KIF17: variants seen among roughly 807,000 people sequenced by gnomAD.
The protein encoded by KIF17 is kinesin family member 17, also known as kinesin-like protein KIF17.
KIF17 carries 80 observed loss-of-function variants against 96.8 expected under a neutral mutation model. The ratio of observed to expected loss-of-function variants is 0.83; its 90% CI spans 0.69 to 1.00. The LOEUF is 1.00. KIF17 is among the 50% of genes least tolerant of loss of function. The pLI, the probability that KIF17 is intolerant of heterozygous loss-of-function variation, is 0.00. For missense variants in KIF17, 1,280 were observed against 1,372.9 expected, an observed-to-expected ratio of 0.93 and a Z score of 1.07; for synonymous variants, 567 against 587.5, an observed-to-expected ratio of 0.97 and a Z score of 0.51.
Position 20,704,901 on chromosome 1 carries a change from T to G in KIF17, c.671-2A>C. 1 of 1,599,596 alleles carries G rather than the reference T, an allele frequency of 6.3e-7. No individual in the cohort carries two copies. The highest frequency in any genetic ancestry group is 8.5e-7 in the Non-Finnish European group (1 of 1,179,706). ...GGAGGTGGTCCTTGCCCCGCTCATC[T>G]GCACACAGACCAGGCAAAGTGGCGA... On this transcript the variant is annotated splice_acceptor_variant, in intron 4 of 14. Transcript: ENST00000400463. LOFTEE classifies it high-confidence loss of function. This position sits in a 1 kb window ranked among gnomAD's most constrained non-coding sequence, Gnocchi z 6.8.
chr1:20,667,345 T>G (rs1356930131), intron 13 of KIF17, among the ~76,000 whole-genome samples: 2 of 152,196 alleles, frequency 1.3e-5, no homozygotes, highest in East Asian at 3.9e-4. Flanking sequence ...GATCTGTCAC[T>G]GTCTCCCATT....
Position 20,707,781 on chromosome 1 carries a change from A to ATGTG in KIF17, c.670+1854_670+1857dup, listed in dbSNP as rs1436276510. ...CTGTCTCAAAAAAAAAAACAAACCA[A>ATGTG]TGTGTATGTGTGTGTGTGTGTGTGT... On this transcript the variant is annotated intron_variant, in intron 4 of 14. Coordinates refer to ENST00000400463, the MANE Select transcript of KIF17 (RefSeq NM_001122819.3). Among the ~76,000 whole-genome samples, 140 of 90,928 alleles carry ATGTG rather than the reference A, an allele frequency of 1.5e-3. 1 individual carries two copies. Among genetic ancestry groups the ATGTG allele is most frequent in the African/African-American group, 6.4e-3 (127 of 19,952 alleles). The allele number at this position is 90,928 out of a possible 152,430, so 59.7% of individuals were successfully genotyped here.
At chr1:20,711,667 T>C (rs1196037125) in intron 3 of KIF17, among the ~76,000 whole-genome samples, 1 of 152,092 alleles carries the variant, frequency 6.6e-6, no homozygotes, top group Non-Finnish European at 1.5e-5. Context: ...TCTGTGATGG[T>C]AGTTTACAGT....
chr1:20,680,139 C>T (rs987253182), intron 11 of KIF17, among the ~76,000 whole-genome samples: 3 of 152,078 alleles, frequency 2.0e-5, no homozygotes. Context: ...CATAAGCCAC[C>T]GTGCTTGGCC....
In KIF17 at chr1:20,685,342, C is replaced by T. The variant is rs977225488; in HGVS notation, c.2020-322G>A. 10 of 499,716 alleles carry T rather than the reference C, an allele frequency of 2.0e-5. No homozygotes were observed. Among genetic ancestry groups the T allele is most frequent in the East Asian group, 4.5e-5 (1 of 22,458 alleles). 31.0% of individuals were successfully genotyped at this position (499,716 alleles called of 1,614,324 possible). On this transcript the variant is annotated intron_variant, in intron 9 of 14. Coordinates refer to ENST00000400463, the MANE Select transcript of KIF17 (RefSeq NM_001122819.3). This position sits in a 1 kb window ranked among gnomAD's most constrained non-coding sequence, Gnocchi z 4.1. ...TCCCGATGAGCCCCATGTGACTTCC[C>T]GTCACGTTCGCAGGAAAGTCCACTT...
chr1:20,715,633 T>C lies in KIF17; in HGVS notation c.238A>G (p.Thr80Ala), dbSNP rs944238547. The change falls in exon 2 of 15, where the codon ACT becomes GCT. Residue 80 changes from threonine to alanine, a missense_variant. Transcript: ENST00000400463. ...AAGATGGTGCCATTGTAGCCCTCAGTGACGCCCTGCATGGGAGGAAGGCAG... is the reference window on the plus strand; with the variant it reads ...AAGATGGTGCCATTGTAGCCCTCAGCGACGCCCTGCATGGGAGGAAGGCAG... Reference protein sequence around the residue: ...EIAYPLVEGVTEGYNGTIFAY... With the variant: ...EIAYPLVEGVAEGYNGTIFAY... 7 of 1,613,188 alleles carry C rather than the reference T, an allele frequency of 4.3e-6. No homozygotes were observed. The highest frequency in any genetic ancestry group is 4.5e-5 in the East Asian group (2 of 44,876).
At chr1:20,669,172 G>C (rs1028621792) in intron 13 of KIF17, among the ~76,000 whole-genome samples, 3 of 152,138 alleles carry the variant, frequency 2.0e-5, no homozygotes, top group African/African-American at 7.2e-5. Flanking sequence ...GTGCCCTTCT[G>C]TCTGGGCCTC....
At position 20,687,733 on chromosome 1, in the gene KIF17, T is replaced by C. The variant is rs768767723; in HGVS notation, c.1593A>G (p.Lys531=). ...FAELPKVEPS[K]SEISLGSSES... ...CACTGGAGCCCAGAGAAATCTCAGA[T>C]TTGGAGGGTTCCACCTTGGGCAGCT... is the stretch of plus-strand genomic sequence containing the variant. Residue 531 remains lysine, a synonymous_variant, in exon 8 of 15, where the codon AAA becomes AAG. Coordinates refer to ENST00000400463, the MANE Select transcript of KIF17 (RefSeq NM_001122819.3). The surrounding 1 kb of genome is among the most constrained non-coding windows in gnomAD (Gnocchi z 4.4). 2 of 1,614,150 alleles carry C rather than the reference T, an allele frequency of 1.2e-6. No individual in the cohort carries two copies. The highest frequency in any genetic ancestry group is 2.2e-5 in the East Asian group (1 of 44,872).
rs1197128162 is a variant in KIF17, at chr1:20,712,678, T to TC, written c.480+775_480+776insG. ...TTATCTATATATAATATAGATAATA[T>TC]TATCTATATATAATATAGATAATAT... On this transcript the variant is annotated intron_variant, in intron 3 of 14. Coordinates refer to ENST00000400463, the MANE Select transcript of KIF17 (RefSeq NM_001122819.3). 1.4e-3 allele frequency among the ~76,000 whole-genome samples: 67 copies of TC among 46,772 alleles called. 3 individuals carry two copies. Among genetic ancestry groups the TC allele is most frequent in the African/African-American group, 6.1e-3 (64 of 10,452 alleles). 30.7% of individuals were successfully genotyped at this position (46,772 alleles called of 152,430 possible). A position where few individuals can be genotyped will look rare whatever the true frequency, so the allele number is the denominator to read the frequency against.
downstream of KIF17, among the ~76,000 whole-genome samples, chr1:20,663,029 A>C (rs2154534572): frequency 6.6e-6 from 1 of 152,102 alleles, no homozygotes; most frequent in South Asian, 2.1e-4. Context: ...GGAGTTCGTG[A>C]CCAGCCTGGC....
chr1:20,675,560 T>G (rs2053724549), intron 11 of KIF17, among the ~76,000 whole-genome samples: 1 of 152,250 alleles, frequency 6.6e-6, no homozygotes, highest in Non-Finnish European at 1.5e-5. Context: ...CACACAGTCT[T>G]GATTACGGTA....
At chr1:20,679,061 C>T (rs1029373207) in intron 11 of KIF17, among the ~76,000 whole-genome samples, 5 of 151,502 alleles carry the variant, frequency 3.3e-5, no homozygotes, top group African/African-American at 1.2e-4. Context: ...CCTGTAATCC[C>T]GGCACTTTGG....
Position 20,686,035 on chromosome 1 carries a change from G to A in KIF17, c.2019+11C>T. Reference sequence around the variant, plus strand: ...CCCGTCCCCCACATGGAGGCCCGGGGAGGTACTCACAGGCCTGGGCGGGAA... The same window carrying A: ...CCCGTCCCCCACATGGAGGCCCGGGAAGGTACTCACAGGCCTGGGCGGGAA... On this transcript the variant is annotated intron_variant, in intron 9 of 14. Transcript: ENST00000400463. 6.4e-7 allele frequency: 1 copy of A among 1,550,964 alleles called. No individual in the cohort carries two copies. Among genetic ancestry groups the A allele is most frequent in the Non-Finnish European group, 8.7e-7 (1 of 1,145,736 alleles).
rs188192100 is a variant in KIF17 at position 20,679,219 on chromosome 1, C to T, written c.2463+3434G>A. 1.3e-3 allele frequency among the ~76,000 whole-genome samples: 195 copies of T among 152,132 alleles called. 1 individual carries two copies. The highest frequency in any genetic ancestry group is 1.9e-4 in the Non-Finnish European group (13 of 67,992). ...ACCTGGGAGGCTGAGGCAAGAGAAT[C>T]GTTTGAGCCTGGGACAGCCAGCGTA... On this transcript the variant is annotated intron_variant, in intron 11 of 14. Transcript: ENST00000400463.
intron 6 of KIF17, among the ~76,000 whole-genome samples, chr1:20,695,736 T>G (rs2054126579): frequency 6.6e-6 from 1 of 152,110 alleles, no homozygotes. Flanking sequence ...ACCTTGTGCT[T>G]GCAATCCGCC....
rs746255340 is a variant in KIF17 at position 20,704,679 on chromosome 1, C to T, written c.891G>A (p.Gln297=). Residue 297 remains glutamine, a synonymous_variant, in exon 5 of 15, where the codon CAG becomes CAA. Transcript: ENST00000400463. The surrounding 1 kb of genome is among the most constrained non-coding windows in gnomAD (Gnocchi z 6.8). ...YRDSKLTRLL[Q]DSLGGNTKTL... is the part of the protein sequence containing the mutation. ...TCTTGGTGTTGCCGCCCAGTGAGTC[C>T]TGCAGCAGCCGCGTCAGCTTCGAGT... The T allele has an allele frequency of 1.2e-6, 2 of 1,614,050 alleles. No individual in the cohort carries two copies. Among genetic ancestry groups the T allele is most frequent in the East Asian group, 4.5e-5 (2 of 44,896 alleles).
intron 1 of KIF17, among the ~76,000 whole-genome samples, chr1:20,717,153 A>AC (rs1242676057): frequency 6.6e-6 from 1 of 152,116 alleles, no homozygotes; most frequent in Non-Finnish European, 1.5e-5. Flanking sequence ...ACATGGTGAA[A>AC]CCCCATCTGT....
chr1:20,684,441 C>T lies in KIF17; in HGVS notation c.2231+368G>A, dbSNP rs144596810. Reference sequence around the variant, plus strand: ...GCAAGTGAGGAAAGCCCAGCTCCCCCGGCGGTCCCAGAGAGTGCCTGGGGA... The same window carrying T: ...GCAAGTGAGGAAAGCCCAGCTCCCCTGGCGGTCCCAGAGAGTGCCTGGGGA... On this transcript the variant is annotated intron_variant, in intron 10 of 14. Coordinates refer to ENST00000400463, the MANE Select transcript of KIF17 (RefSeq NM_001122819.3). Among the ~76,000 whole-genome samples, 138 of 152,350 alleles carry T rather than the reference C, an allele frequency of 9.1e-4. 1 individual carries two copies. Among genetic ancestry groups the T allele is most frequent in the African/African-American group, 3.2e-3 (135 of 41,584 alleles).
chr1:20,684,268 G>A (rs754323074), intron 10 of KIF17, among the ~76,000 whole-genome samples: 24 of 152,354 alleles, frequency 1.6e-4, no homozygotes, highest in Middle Eastern at 3.4e-3. Context: ...CTCAGGGGTC[G>A]CTCAGTGTTT....
Sources: allele counts gnomAD v4.1 joint callset (sites outside exome capture counted in the v4.1 genomes callset), GRCh38; gene constraint gnomAD v4.1.1; non-coding constraint Gnocchi (gnomAD v3.1); transcripts MANE v1.5; gene names NCBI Gene and HGNC (gene_info 2026-07-23, HGNC 2026-07-21).